PDZRN3: variants seen among roughly 807,000 people sequenced by gnomAD.
PDZRN3 encodes the protein E3 ubiquitin-protein ligase PDZRN3.
Under a neutral mutation model 85.7 loss-of-function variants are expected in PDZRN3, and 38 were observed. That is an observed-to-expected ratio of 0.44 (90% CI 0.34 to 0.58). PDZRN3 has a LOEUF of 0.58. Ranked by LOEUF, PDZRN3 falls within the 20% of genes least tolerant of loss-of-function variation. The pLI, the probability that PDZRN3 is intolerant of heterozygous loss-of-function variation, is 0.01. For missense variants in PDZRN3, 1,629 were observed against 1,506.4 expected (o/e 1.08, Z -1.35); for synonymous variants, 759 against 638.0 (o/e 1.19, Z -2.86).
intron 3 of PDZRN3, among the ~76,000 whole-genome samples, chr3:73,581,471 C>A (rs1354386095): frequency 1.3e-5 from 2 of 152,102 alleles, no homozygotes; most frequent in African/African-American, 2.4e-5. Context: ...GAAATATCTG[C>A]TTATTGTGGA....
intron 7 of PDZRN3, 127 bp from the exon 8 acceptor site, chr3:73,388,196 C>T (rs989903083): frequency 1.8e-5 from 10 of 565,534 alleles, no homozygotes; most frequent in South Asian, 5.3e-5. Flanking sequence ...ATACAACTTC[C>T]GTGTAGCTGG....
rs1704186531 is a variant in PDZRN3 at position 73,512,549 on chromosome 3, GAGA to G, written c.918+89802_918+89804del. Among the ~76,000 whole-genome samples the G allele has an allele frequency of 3.3e-5, 5 of 151,574 alleles. No individual in the cohort carries two copies. In the South Asian group the frequency reaches 1.0e-3, roughly 32 times the overall value. ...GTTTTTTTTCTTTTTTTTTTCCGGG[GAGA>G]AGGACAACTCTCTCCTTCCATAAAT... On this transcript the variant is annotated intron_variant, in intron 3 of 9. Coordinates refer to ENST00000263666, the MANE Select transcript of PDZRN3 (RefSeq NM_015009.3).
chr3:73,433,048 C>A (rs904216049), intron 3 of PDZRN3, among the ~76,000 whole-genome samples: 1 of 152,142 alleles, frequency 6.6e-6, no homozygotes, highest in African/African-American at 2.4e-5. Flanking sequence ...TCAGAAGATA[C>A]AAGTCATCTG....
chr3:73,416,938 C>A (rs1272010225), intron 3 of PDZRN3, among the ~76,000 whole-genome samples: 1 of 129,528 alleles, frequency 7.7e-6, no homozygotes, highest in African/African-American at 3.1e-5. Flanking sequence ...ATCACCCAGG[C>A]GGGAGTGCAG....
At chr3:73,544,568 T>C (rs1436597073) in intron 3 of PDZRN3, among the ~76,000 whole-genome samples, 3 of 152,134 alleles carry the variant, frequency 2.0e-5, no homozygotes, top group African/African-American at 7.2e-5. Context: ...GCTTTTTTCT[T>C]TTTGGTGTTA....
intron 3 of PDZRN3, among the ~76,000 whole-genome samples, chr3:73,517,999 C>T (rs1339247575): frequency 1.3e-5 from 2 of 152,204 alleles, no homozygotes; most frequent in African/African-American, 4.8e-5. Context: ...AGCAACTCCA[C>T]TTGTGGGTAT....
chr3:73,450,624 T>C (rs1006535896), intron 3 of PDZRN3, among the ~76,000 whole-genome samples: 1 of 152,250 alleles, frequency 6.6e-6, no homozygotes, highest in South Asian at 2.1e-4. Flanking sequence ...GCTTGTGTGA[T>C]TTTCCAAATT....
At chr3:73,620,273 G>A (rs1040151912) in intron 1 of PDZRN3, among the ~76,000 whole-genome samples, 3 of 152,224 alleles carry the variant, frequency 2.0e-5, no homozygotes, top group African/African-American at 7.2e-5. Context: ...CGGATGGGAG[G>A]TTAAAGAACA....
intron 3 of PDZRN3, among the ~76,000 whole-genome samples, chr3:73,506,315 T>C (rs1704069815): frequency 6.6e-6 from 1 of 152,092 alleles, no homozygotes; most frequent in Middle Eastern, 3.2e-3. Context: ...CATCTCCCAG[T>C]CTCAGGAAAA....
chr3:73,424,072 G>A (rs375665761), intron 3 of PDZRN3, among the ~76,000 whole-genome samples: 1 of 152,014 alleles, frequency 6.6e-6, no homozygotes, highest in Non-Finnish European at 1.5e-5. Context: ...AACTGTGATA[G>A]ACAAAATTTA....
intron 1 of PDZRN3, among the ~76,000 whole-genome samples, chr3:73,617,710 T>A (rs78475913): frequency 7.0e-6 from 1 of 142,354 alleles, no homozygotes; most frequent in East Asian, 2.2e-4. Flanking sequence ...TCTAAATCTA[T>A]TTTTTTTTTT....
chr3:73,548,325 G>A (rs928319341), intron 3 of PDZRN3, among the ~76,000 whole-genome samples: 2 of 152,182 alleles, frequency 1.3e-5, no homozygotes, highest in African/African-American at 4.8e-5. Context: ...TATTTTGCTG[G>A]CTGCTGGGAG....
intron 3 of PDZRN3, among the ~76,000 whole-genome samples, chr3:73,410,308 TAAG>T (rs1701940826): frequency 1.3e-5 from 2 of 152,218 alleles, no homozygotes; most frequent in Non-Finnish European, 2.9e-5. Context: ...TTATGGCAGT[TAAG>T]AAGAAATGTG....
chr3:73,542,341 A>G (rs1160711340), intron 3 of PDZRN3, among the ~76,000 whole-genome samples: 3 of 152,172 alleles, frequency 2.0e-5, no homozygotes, highest in Non-Finnish European at 4.4e-5. Flanking sequence ...CGGCCCCACA[A>G]TCACACTGCC....
chr3:73,390,630 A>G (rs1158713832), intron 6 of PDZRN3, among the ~76,000 whole-genome samples: 1 of 91,110 alleles, frequency 1.1e-5, no homozygotes, highest in African/African-American at 4.4e-5. Flanking sequence ...CCAAGAGAAA[A>G]AAAAATGTGT....
chr3:73,462,581 G>A lies in PDZRN3; in HGVS notation c.919-58186C>T, dbSNP rs189264951. On this transcript the variant is annotated intron_variant, in intron 3 of 9. Transcript: ENST00000263666. ...AAAAAAAGAACTTGATTCCATTTGGGTCTAGAATTTTTCATCATATTGCAG... is the reference window on the plus strand; with the variant it reads ...AAAAAAAGAACTTGATTCCATTTGGATCTAGAATTTTTCATCATATTGCAG... Among the ~76,000 whole-genome samples the A allele has an allele frequency of 9.9e-5, 15 of 151,938 alleles. No homozygotes were observed. The East Asian group carries it at 2.9e-3, about 29-fold the overall frequency.
At chr3:73,498,472 T>C (rs1377519088) in intron 3 of PDZRN3, among the ~76,000 whole-genome samples, 2 of 151,418 alleles carry the variant, frequency 1.3e-5, no homozygotes, top group African/African-American at 4.9e-5. Flanking sequence ...GAGTACTTTT[T>C]CCCTAACTGC....
At chr3:73,451,035 A>T (rs1658676442) in intron 3 of PDZRN3, among the ~76,000 whole-genome samples, 1 of 152,152 alleles carries the variant, frequency 6.6e-6, no homozygotes, top group African/African-American at 2.4e-5. Flanking sequence ...CCTGACCTGT[A>T]AACTGCAAGT....
At chr3:73,408,039 C>T (rs1701889173) in intron 3 of PDZRN3, 3 of 647,468 alleles carry the variant, frequency 4.6e-6, no homozygotes, top group Admixed American at 2.4e-5. Flanking sequence ...TCCACAGAAA[C>T]GCATTTCTGA....
Sources: allele counts gnomAD v4.1 joint callset (sites outside exome capture counted in the v4.1 genomes callset), GRCh38; gene constraint gnomAD v4.1.1; transcripts MANE v1.5; gene names NCBI Gene and HGNC (gene_info 2026-07-23, HGNC 2026-07-21).